FGF14: variants seen among roughly 807,000 people sequenced by gnomAD.
FGF14 encodes fibroblast growth factor 14, also known as fibroblast growth factor homologous factor 4.
A neutral mutation model predicts 25.5 loss-of-function variants in FGF14; 5 were observed. The ratio of observed to expected loss-of-function variants is 0.20; its 90% CI spans 0.10 to 0.41. The LOEUF (loss-of-function observed/expected upper bound fraction) is 0.41, where lower values mean the gene tolerates loss of function less well. Ranked by LOEUF, FGF14 falls within the 10% of genes least tolerant of loss-of-function variation. FGF14 has a pLI of 1.00. For synonymous variants in FGF14, 138 were observed against 118.3 expected (o/e 1.17, Z -1.08); for missense variants, 222 against 320.1 (o/e 0.69, Z 2.34).
At chr13:102,051,934 A>G (rs1019302267) in intron 1 of FGF14, among the ~76,000 whole-genome samples, 5 of 152,204 alleles carry the variant, frequency 3.3e-5, no homozygotes, top group Admixed American at 6.5e-5. Context: ...AGATATATTA[A>G]ATGCTTAAAA....
At chr13:102,175,754 C>T (rs1338094544) in intron 1 of FGF14, among the ~76,000 whole-genome samples, 2 of 151,838 alleles carry the variant, frequency 1.3e-5, no homozygotes, top group Admixed American at 6.6e-5. Context: ...AAAGAGTTGA[C>T]AAAGAATATG....
At chr13:101,945,472 C>A (rs1301792294) in intron 1 of FGF14, among the ~76,000 whole-genome samples, 1 of 152,186 alleles carries the variant, frequency 6.6e-6, no homozygotes, top group Non-Finnish European at 1.5e-5. Flanking sequence ...GAACAGTTAG[C>A]CATACACAAT....
intron 1 of FGF14, among the ~76,000 whole-genome samples, chr13:101,945,818 T>C (rs373289196): frequency 6.6e-6 from 1 of 152,160 alleles, no homozygotes; most frequent in South Asian, 2.1e-4. Flanking sequence ...AAGGATGCAG[T>C]GTTTAACGCC....
intron 1 of FGF14, among the ~76,000 whole-genome samples, chr13:102,075,984 T>C (rs929648134): frequency 7.2e-5 from 11 of 152,180 alleles, no homozygotes; most frequent in African/African-American, 1.4e-4. Context: ...GCGTTTGTGG[T>C]CTAAGCTAAG....
chr13:102,119,874 C>T (rs964685162), intron 1 of FGF14, among the ~76,000 whole-genome samples: 8 of 152,134 alleles, frequency 5.3e-5, no homozygotes, highest in African/African-American at 1.9e-4. Flanking sequence ...GAGCAGGATC[C>T]ACCCAGAGAG....
intron 1 of FGF14, among the ~76,000 whole-genome samples, chr13:102,172,443 T>G (rs913013645): frequency 6.6e-6 from 1 of 152,028 alleles, no homozygotes; most frequent in East Asian, 1.9e-4. Context: ...GAAGGAGAAT[T>G]TAGAGTAACT....
rs2056331559 is a variant in FGF14 at position 102,323,954 on chromosome 13, AGTATGTGTGT to A, written c.208+77507_208+77516del. Reference sequence around the variant, plus strand: ...GACTCTTTAAAGGATCCCAACGTGCAGTATGTGTGTGTGTGTGTGTGTGTGTGTGTGTGTG... The same window carrying A: ...GACTCTTTAAAGGATCCCAACGTGCAGTGTGTGTGTGTGTGTGTGTGTGTG... On this transcript the variant is annotated intron_variant, in intron 1 of 4. Transcript: ENST00000376131. Among the ~76,000 whole-genome samples the A allele has an allele frequency of 1.2e-4, 12 of 103,854 alleles. No individual in the cohort carries two copies. In the South Asian group the frequency reaches 3.4e-3, roughly 29 times the overall value. The allele number at this position is 103,854 out of a possible 152,430, so 68.1% of individuals were successfully genotyped here. A position where few individuals can be genotyped will look rare whatever the true frequency, so the allele number is the denominator to read the frequency against.
intron 1 of FGF14, among the ~76,000 whole-genome samples, chr13:102,180,573 A>T (rs1170521890): frequency 6.6e-6 from 1 of 152,076 alleles, no homozygotes; most frequent in Non-Finnish European, 1.5e-5. Context: ...TAGCCTCCCA[A>T]AGTGCCTGGA....
chr13:101,939,145 CAGTG>C (rs1228802955), intron 1 of FGF14, among the ~76,000 whole-genome samples: 3 of 152,186 alleles, frequency 2.0e-5, no homozygotes, highest in Non-Finnish European at 2.9e-5. Flanking sequence ...GTCAAACATT[CAGTG>C]TTTGAGGATG....
chr13:101,906,642 G>T (rs1594678913), intron 1 of FGF14, among the ~76,000 whole-genome samples: 1 of 152,224 alleles, frequency 6.6e-6, no homozygotes, highest in East Asian at 1.9e-4. Flanking sequence ...GTAGTTACAT[G>T]TTACCCCGGA....
chr13:102,110,937 A>T (rs2045193285), intron 1 of FGF14, among the ~76,000 whole-genome samples: 1 of 152,216 alleles, frequency 6.6e-6, no homozygotes, highest in African/African-American at 2.4e-5. Flanking sequence ...GGTTCCCATT[A>T]GCCTTAAGAA....
chr13:102,397,001 C>T (rs1271743394), intron 1 of FGF14, among the ~76,000 whole-genome samples: 1 of 152,172 alleles, frequency 6.6e-6, no homozygotes, highest in East Asian at 1.9e-4. Flanking sequence ...CATCTGTTTG[C>T]TGTTCCAGAC....
At chr13:102,212,610 T>C (rs975409500) in intron 1 of FGF14, among the ~76,000 whole-genome samples, 1 of 152,196 alleles carries the variant, frequency 6.6e-6, no homozygotes, top group African/African-American at 2.4e-5. Flanking sequence ...ACAAATAACA[T>C]ACTCTGGGCA....
chr13:102,196,142 A>G (rs2049340374), intron 1 of FGF14, among the ~76,000 whole-genome samples: 1 of 152,260 alleles, frequency 6.6e-6, no homozygotes, highest in Admixed American at 6.5e-5. Context: ...TAAAGTCATT[A>G]GAAACCATAC....
chr13:102,233,763 A>G (rs2051194610), intron 1 of FGF14, among the ~76,000 whole-genome samples: 1 of 152,178 alleles, frequency 6.6e-6, no homozygotes, highest in African/African-American at 2.4e-5. Context: ...ACTCTTGTCG[A>G]CACACAACCC....
intron 1 of FGF14, among the ~76,000 whole-genome samples, chr13:101,880,739 T>G (rs1482990362): frequency 6.6e-6 from 1 of 152,204 alleles, no homozygotes; most frequent in Admixed American, 6.5e-5. Context: ...AAATAAATGA[T>G]AAATCCCTTG....
chr13:102,118,810 T>C (rs1325549455), intron 1 of FGF14, among the ~76,000 whole-genome samples: 1 of 152,188 alleles, frequency 6.6e-6, no homozygotes, highest in Non-Finnish European at 1.5e-5. Context: ...TAAATAAGTA[T>C]ATGAATTCAC....
At chr13:102,232,322 T>A (rs2051122282) in intron 1 of FGF14, among the ~76,000 whole-genome samples, 1 of 152,156 alleles carries the variant, frequency 6.6e-6, no homozygotes, top group African/African-American at 2.4e-5. Context: ...CACATCCACA[T>A]CAACAACAAC....
At chr13:101,801,956 C>T (rs2040897669) in intron 3 of FGF14, 3 of 473,282 alleles carry the variant, frequency 6.3e-6, no homozygotes, top group South Asian at 1.6e-5. Context: ...CAGAGAAGAA[C>T]ATAAAAAGAA....
Sources: gnomAD v4.1 joint callset for allele counts (sites outside exome capture counted in the v4.1 genomes callset) on GRCh38, gnomAD v4.1.1 for gene constraint, MANE v1.5 for transcripts, NCBI Gene and HGNC (gene_info 2026-07-23, HGNC 2026-07-21) for gene names.